The following PHKA1 variants were observed in gnomAD, a reference collection of about 807,000 sequenced individuals.
PHKA1 encodes the protein phosphorylase b kinase regulatory subunit alpha, skeletal muscle isoform.
PHKA1 carries 60 observed loss-of-function variants against 110.2 expected under a neutral mutation model. The observed-to-expected ratio is 0.54, with a 90% CI of 0.44 to 0.68. The LOEUF (loss-of-function observed/expected upper bound fraction) is 0.68, where lower values mean the gene tolerates loss of function less well. Among genes scored for constraint, PHKA1 ranks in the 30% least tolerant of loss-of-function variants. The pLI is 0.00. For missense variants in PHKA1, 801 were observed against 942.5 expected (o/e 0.85, Z 1.97); for synonymous variants, 316 against 333.6 (o/e 0.95, Z 0.58).
chrX:72,713,698 A>ACACACACACC (rs1483324205), intron 1 of PHKA1, 105 bp downstream of exon 1: 40 of 613,916 alleles, frequency 6.5e-5, no homozygotes, highest in Middle Eastern at 3.0e-4. Context: ...ACACACACAC[A>ACACACACACC]CACCCACACA....
At chrX:72,637,337 CAT>C (rs2147736544) in intron 14 of PHKA1, among the ~76,000 whole-genome samples, 1 of 112,046 alleles carries the variant, frequency 8.9e-6, no homozygotes, top group East Asian at 2.8e-4. Flanking sequence ...TTTCATTTAG[CAT>C]AGTCTTCAAA....
rs1556245963 is a variant in PHKA1 at position 72,603,153 on chromosome X, A to G, written c.2883T>C (p.Ile961=). The part of the protein sequence containing the change: ...PSAMKNLLHH[I]LSGKEFGVER... ...CCACTCCAAACTCCTTGCCGCTGAG[A>G]ATGTGATGCAGGAGATTCTTCATGG... The change falls in exon 26 of 32, where the codon ATT becomes ATC. Residue 961 remains isoleucine (I), a synonymous_variant. Coordinates refer to ENST00000373542, the MANE Select transcript of PHKA1 (RefSeq NM_002637.4). The G allele has an allele frequency of 8.3e-7, 1 of 1,205,653 alleles. No homozygotes were observed. The highest frequency in any genetic ancestry group is 2.2e-5 in the Admixed American group (1 of 45,707).
At chrX:72,592,632 G>C (rs1432635402) in intron 29 of PHKA1, among the ~76,000 whole-genome samples, 1 of 112,258 alleles carries the variant, frequency 8.9e-6, no homozygotes, top group Non-Finnish European at 1.9e-5. Context: ...AAAAAATATA[G>C]GTAATAACTC....
intron 3 of PHKA1, among the ~76,000 whole-genome samples, chrX:72,703,698 G>A (rs1556330904): frequency 1.8e-5 from 2 of 111,613 alleles, no homozygotes; most frequent in Admixed American, 9.5e-5. Flanking sequence ...AGAAAAAAAC[G>A]AAAGTGCAAA....
chrX:72,677,619 T>G (rs1238061741), intron 5 of PHKA1, among the ~76,000 whole-genome samples: 4 of 112,064 alleles, frequency 3.6e-5, no homozygotes, highest in African/African-American at 1.3e-4. Flanking sequence ...TATATTACTA[T>G]GAACTTACAG....
At chrX:72,630,282 A>T (rs2053145990) in intron 16 of PHKA1, among the ~76,000 whole-genome samples, 1 of 98,296 alleles carries the variant, frequency 1.0e-5, no homozygotes, top group Admixed American at 1.1e-4. Context: ...AAAAAGAAAA[A>T]GAGCGGGGGT....
chrX:72,657,341 C>T (rs1361727406), intron 9 of PHKA1, among the ~76,000 whole-genome samples: 1 of 111,971 alleles, frequency 8.9e-6, no homozygotes, highest in Non-Finnish European at 1.9e-5. Flanking sequence ...TAGTTCTTTC[C>T]CGAAACTAAC....
At chrX:72,661,514 A>G (rs2053558115) in intron 8 of PHKA1, among the ~76,000 whole-genome samples, 1 of 110,619 alleles carries the variant, frequency 9.0e-6, no homozygotes, top group African/African-American at 3.3e-5. Flanking sequence ...TCTGCATCTT[A>G]AAAACAGTTT....
chrX:72,658,255 C>A (rs958606836), intron 8 of PHKA1, among the ~76,000 whole-genome samples: 1 of 110,495 alleles, frequency 9.1e-6, no homozygotes, highest in African/African-American at 3.3e-5. Context: ...GTCAGGAGTT[C>A]GAGACCAGCC....
At chrX:72,661,044 T>C (rs1332006661) in intron 8 of PHKA1, among the ~76,000 whole-genome samples, 1 of 112,361 alleles carries the variant, frequency 8.9e-6, no homozygotes, top group Admixed American at 9.4e-5. Context: ...AGTATTTGAT[T>C]CCATTTAATA....
chrX:72,683,365 G>A (rs1445306090), intron 5 of PHKA1, among the ~76,000 whole-genome samples: 3 of 112,105 alleles, frequency 2.7e-5, no homozygotes, highest in Admixed American at 9.4e-5. Context: ...CTGAGCCTGG[G>A]AGTTTGAGGC....
intron 16 of PHKA1, 46 bp downstream of exon 16, chrX:72,635,109 A>C (rs782519613): frequency 2.5e-6 from 3 of 1,197,858 alleles, no homozygotes; most frequent in Non-Finnish European, 3.4e-6. Context: ...TAAATCTATG[A>C]CTTATTTCCA....
chrX:72,594,778 C>T (rs1200325603), intron 28 of PHKA1, among the ~76,000 whole-genome samples: 2 of 112,535 alleles, frequency 1.8e-5, no homozygotes, highest in African/African-American at 6.5e-5. Context: ...TCGTTAGACT[C>T]TGTCTCAAAC....
chrX:72,611,693 C>T (rs1556261236), intron 21 of PHKA1, among the ~76,000 whole-genome samples: 1 of 111,952 alleles, frequency 8.9e-6, no homozygotes, highest in African/African-American at 3.2e-5. Context: ...GGAAAAGGTG[C>T]TCAACCTCAC....
At chrX:72,631,395 T>C (rs1261079549) in intron 16 of PHKA1, among the ~76,000 whole-genome samples, 2 of 111,165 alleles carry the variant, frequency 1.8e-5, no homozygotes, top group Non-Finnish European at 3.8e-5. Flanking sequence ...AGCCCTTCTC[T>C]GATACTACTC....
chrX:72,610,906 T>C (rs782068071), intron 22 of PHKA1, 122 bp downstream of exon 22: 47 of 497,976 alleles, frequency 9.4e-5, no homozygotes, highest in Non-Finnish European at 3.8e-5. Flanking sequence ...ATATCAAATT[T>C]TATGTGGAAA....
chrX:72,682,111 C>T (rs201263892), intron 5 of PHKA1, among the ~76,000 whole-genome samples: 3 of 69,414 alleles, frequency 4.3e-5, no homozygotes, highest in Non-Finnish European at 5.8e-5. Flanking sequence ...CCAGCCGCCC[C>T]GTCCGGGAGG....
At chrX:72,654,084 G>C (rs1194984697) in intron 10 of PHKA1, among the ~76,000 whole-genome samples, 1 of 106,581 alleles carries the variant, frequency 9.4e-6, no homozygotes, top group Non-Finnish European at 1.9e-5. Context: ...AAATAGTTCT[G>C]CTATAACACT....
At chrX:72,673,443 C>A (rs1006103040) in intron 6 of PHKA1, among the ~76,000 whole-genome samples, 38 of 110,609 alleles carry the variant, frequency 3.4e-4, no homozygotes, top group African/African-American at 1.0e-3. Context: ...CAAATGATTA[C>A]AAAATAAAAA....
Sources: allele counts gnomAD v4.1 joint callset (sites outside exome capture counted in the v4.1 genomes callset), GRCh38; gene constraint gnomAD v4.1.1; transcripts MANE v1.5; gene names NCBI Gene and HGNC (gene_info 2026-07-23, HGNC 2026-07-21).